Variants in SETD2 observed in about 807,000 individuals in gnomAD.
SETD2 encodes the protein SET domain containing 2, histone lysine methyltransferase.
Under a neutral mutation model 242.1 loss-of-function variants are expected in SETD2, and 31 were observed. The observed-to-expected ratio is 0.13, with a 90% CI of 0.10 to 0.17. SETD2 has a LOEUF of 0.17. Ranked by LOEUF, SETD2 falls within the 10% of genes least tolerant of loss-of-function variation. The pLI, the probability that SETD2 is intolerant of heterozygous loss-of-function variation, is 1.00. For synonymous variants in SETD2, 1,006 were observed against 1,066.5 expected (o/e 0.94, Z 1.11); for missense variants, 2,481 against 3,046.3 (o/e 0.81, Z 4.37).
At position 47,121,193 on chromosome 3, in the gene SETD2, G is replaced by C. The variant is rs141227139; in HGVS notation, c.3443C>G (p.Ser1148Cys). ...GCGATTATCTATTTGTTTTCTACTG[G>C]ACTGTGTAAAAGAAATTTCCGGATT... is the stretch of plus-strand genomic sequence containing the variant. ...EKNPEISFTQSSRKQIDNRLP... is the reference protein window; with the variant it reads ...EKNPEISFTQCSRKQIDNRLP... The change falls in exon 3 of 21, where the codon TCC (serine) becomes TGC (cysteine). Residue 1148 changes from serine (S) to cysteine (C), a missense_variant. This residue lies in a region of SETD2 where 1,300 missense variants were observed against 1,259.2 expected (regional missense o/e 1.03). Transcript: ENST00000409792. 1 of 1,613,908 alleles carries C rather than the reference G, an allele frequency of 6.2e-7. No individual in the cohort carries two copies. Among genetic ancestry groups the C allele is most frequent in the Non-Finnish European group, 8.5e-7 (1 of 1,179,828 alleles).
chr3:47,035,881 G>A (rs997325442), intron 18 of SETD2, among the ~76,000 whole-genome samples: 2 of 152,196 alleles, frequency 1.3e-5, no homozygotes, highest in African/African-American at 4.8e-5. Flanking sequence ...AATGTCAAGT[G>A]CCTAGCAGTC....
In SETD2 at chr3:47,145,766, AG is replaced by A. The variant is rs375052578; in HGVS notation, c.71+18087del. On this transcript the variant is annotated intron_variant, in intron 1 of 20. Coordinates refer to ENST00000409792, the MANE Select transcript of SETD2 (RefSeq NM_014159.7). Reference sequence around the variant, plus strand: ...TGTGGTGGCTCATGCCTGTAGTCTCAGCACTTTGGGAGGCCCCCAACAGGAG... The same window carrying A: ...TGTGGTGGCTCATGCCTGTAGTCTCACACTTTGGGAGGCCCCCAACAGGAG... Among the ~76,000 whole-genome samples, 983 of 152,152 alleles carry A rather than the reference AG, an allele frequency of 6.5e-3. 6 individuals carry two copies. Among genetic ancestry groups the A allele is most frequent in the Non-Finnish European group, 0.011 (741 of 67,970 alleles).
At chr3:47,040,096 G>A (rs952037696) in intron 17 of SETD2, among the ~76,000 whole-genome samples, 5 of 151,444 alleles carry the variant, frequency 3.3e-5, no homozygotes, top group Admixed American at 6.6e-5. Context: ...CCCGCCTCTC[G>A]GCTTCCCAAG....
chr3:47,019,588 T>C (rs2038129007), intron 19 of SETD2, among the ~76,000 whole-genome samples, 172 bp downstream of exon 19: 1 of 152,186 alleles, frequency 6.6e-6, no homozygotes, highest in African/African-American at 2.4e-5. Flanking sequence ...AAAAGATGGC[T>C]GAGGAGTTTT....
chr3:47,162,252 C>A (rs1439456424), intron 1 of SETD2, among the ~76,000 whole-genome samples: 2 of 152,118 alleles, frequency 1.3e-5, no homozygotes, highest in South Asian at 2.1e-4. Context: ...AGAGCAAGTG[C>A]TATATAAGCA....
intron 9 of SETD2, among the ~76,000 whole-genome samples, chr3:47,095,986 G>A (rs890064611): frequency 6.6e-6 from 1 of 151,888 alleles, no homozygotes; most frequent in Admixed American, 6.6e-5. Flanking sequence ...GCACTCCTGG[G>A]CTCAAGCTAT....
chr3:47,163,828 C>A, intron 1 of SETD2, 26 bp downstream of exon 1: 1 of 1,266,320 alleles, frequency 7.9e-7, no homozygotes, highest in East Asian at 3.1e-5. Context: ...CCGACAGCAG[C>A]GGGGGGCCGC....
rs151302053 is a variant in SETD2 at position 47,062,648 on chromosome 3, T to C, written c.6110-302A>G. Among the ~76,000 whole-genome samples, 2,159 of 152,312 alleles carry C rather than the reference T, an allele frequency of 0.014. 33 individuals are homozygous for C. The highest frequency in any genetic ancestry group is 0.02 in the Non-Finnish European group (1,327 of 68,022). On this transcript the variant is annotated intron_variant, in intron 13 of 20. Coordinates refer to ENST00000409792, the MANE Select transcript of SETD2 (RefSeq NM_014159.7). ...TCTGTGAGCACATGCATGCAAGATA[T>C]TCCCATTACATTTAGCAAGGCAGTT...
chr3:47,101,660 T>C, intron 7 of SETD2, 105 bp from the exon 8 acceptor site: 2 of 629,826 alleles, frequency 3.2e-6, no homozygotes, highest in Admixed American at 5.3e-5. Context: ...CATCATCATC[T>C]GCCTTAATTA....
chr3:47,058,344 G>A (rs1382133961), intron 14 of SETD2, among the ~76,000 whole-genome samples: 1 of 150,140 alleles, frequency 6.7e-6, no homozygotes, highest in Non-Finnish European at 1.5e-5. Context: ...AGGAGGCTGA[G>A]GCAGGAGAAT....
chr3:47,121,526 T>C lies in SETD2; in HGVS notation c.3110A>G (p.Asp1037Gly). 6.2e-7 allele frequency: 1 copy of C among 1,614,140 alleles called. No homozygotes were observed. Among genetic ancestry groups the C allele is most frequent in the South Asian group, 1.1e-5 (1 of 91,084 alleles). The change falls in exon 3 of 21, where the codon GAT becomes GGT. Residue 1037 changes from aspartate to glycine, a missense_variant. Physicochemically the swap from Asp to Gly is moderately conservative, Grantham distance 94. Transcript: ENST00000409792. ...TGAACTTTCAGAAGAGCCAGAATAA[T>C]CTTCATGAACTGTAGACACAATTTC... ...APEIVSTVHE[D>G]YSGSSESSND... is the part of the protein sequence containing the mutation.
chr3:47,143,043 G>A lies in SETD2; in HGVS notation c.72-16380C>T, dbSNP rs374155539. On this transcript the variant is annotated intron_variant, in intron 1 of 20. Transcript: ENST00000409792. ...ATGGTGGGTCACACCTGTAATCCCAGCACTTTGGGAGGCTGATGCTGGAGG... is the reference window on the plus strand; with the variant it reads ...ATGGTGGGTCACACCTGTAATCCCAACACTTTGGGAGGCTGATGCTGGAGG... 1.2e-3 allele frequency among the ~76,000 whole-genome samples: 185 copies of A among 152,256 alleles called. 3 individuals are homozygous for A. The South Asian group carries it at 0.038, about 31-fold the overall frequency.
chr3:47,019,022 G>C (rs1206057604), intron 19 of SETD2, among the ~76,000 whole-genome samples: 3 of 152,214 alleles, frequency 2.0e-5, no homozygotes, highest in Admixed American at 6.5e-5. Flanking sequence ...CTTATTTACA[G>C]GTCTGTTTCT....
In SETD2 at chr3:47,122,147, T is replaced by C; in HGVS notation, c.2489A>G (p.Glu830Gly). 6.2e-7 allele frequency: 1 copy of C among 1,614,014 alleles called. No individual in the cohort carries two copies. Among genetic ancestry groups the C allele is most frequent in the Admixed American group, 1.7e-5 (1 of 60,008 alleles). Reference sequence around the variant, plus strand: ...ACTATCACATATAACTGGTTTTGATTCCAAATGCACATTCATAAAGCTATT... The same window carrying C: ...ACTATCACATATAACTGGTTTTGATCCCAAATGCACATTCATAAAGCTATT... ...SSNSFMNVHLESKPVICDSRN... is the reference protein window; with the variant it reads ...SSNSFMNVHLGSKPVICDSRN... Residue 830 changes from glutamate (E) to glycine (G), a missense_variant, in exon 3 of 21, where the codon GAA becomes GGA. Glu to Gly is a moderately conservative substitution (Grantham distance 98, BLOSUM62 -2). This residue lies in a region of SETD2 where 1,300 missense variants were observed against 1,259.2 expected (regional missense o/e 1.03). Coordinates refer to ENST00000409792, the MANE Select transcript of SETD2 (RefSeq NM_014159.7).
At chr3:47,046,105 A>C (rs1397828560) in intron 16 of SETD2, among the ~76,000 whole-genome samples, 2 of 151,926 alleles carry the variant, frequency 1.3e-5, no homozygotes, top group Non-Finnish European at 2.9e-5. Flanking sequence ...TGGGAGGCTG[A>C]GGCGGGTGGA....
chr3:47,046,753 T>C, intron 15 of SETD2, 132 bp from the exon 16 acceptor site: 1 of 709,350 alleles, frequency 1.4e-6, no homozygotes, highest in Non-Finnish European at 2.0e-6. Flanking sequence ...TATTTGGACA[T>C]AAATGTGCAA....
intron 9 of SETD2, among the ~76,000 whole-genome samples, chr3:47,089,297 A>T (rs1008218516): frequency 1.3e-5 from 2 of 152,158 alleles, no homozygotes; most frequent in Non-Finnish European, 2.9e-5. Context: ...AATCAAAAAA[A>T]TTAGCCAGGT....
chr3:47,142,135 G>A (rs1285026328), intron 1 of SETD2, among the ~76,000 whole-genome samples: 4 of 152,146 alleles, frequency 2.6e-5, no homozygotes, highest in Non-Finnish European at 5.9e-5. Context: ...AACAGTGACT[G>A]AATAACCCTG....
intron 1 of SETD2, among the ~76,000 whole-genome samples, chr3:47,142,044 A>C (rs1407416684): frequency 1.3e-5 from 2 of 152,210 alleles, no homozygotes; most frequent in Non-Finnish European, 2.9e-5. Flanking sequence ...AATGCACTGA[A>C]TGCACCACTA....
Sources: allele counts gnomAD v4.1 joint callset (sites outside exome capture counted in the v4.1 genomes callset), GRCh38; gene constraint gnomAD v4.1.1; regional missense constraint gnomAD v4.1.1; transcripts MANE v1.5; gene names NCBI Gene and HGNC (gene_info 2026-07-23, HGNC 2026-07-21).